ZC3H4: variants seen among roughly 807,000 people sequenced by gnomAD.
ZC3H4 encodes zinc finger CCCH domain-containing protein 4.
ZC3H4 carries 13 observed loss-of-function variants against 108.3 expected under a neutral mutation model. The ratio of observed to expected loss-of-function variants is 0.12; its 90% CI spans 0.08 to 0.19. The LOEUF is 0.19. Among genes scored for constraint, ZC3H4 ranks in the 10% least tolerant of loss-of-function variants. The probability of loss-of-function intolerance (pLI) is 1.00; values close to 1 mark genes in which losing one functional copy is unlikely to be tolerated. For synonymous variants in ZC3H4, 917 were observed against 749.6 expected, an observed-to-expected ratio of 1.22 and a Z score of -3.65; for missense variants, 1,734 against 1,838.8, an observed-to-expected ratio of 0.94 and a Z score of 1.04.
chr19:47,112,550 G>A lies in ZC3H4; in HGVS notation c.35C>T (p.Pro12Leu), dbSNP rs2058054458. ...EAAPGTPPPP[P>L]SESPPPPSPP... is the part of the protein sequence containing the mutation. ...CGATGGCGGCGGCGGCGACTCTGATGGCGGCGGCGGGGGGGTCCCGGGCGC... is the reference window on the plus strand; with the variant it reads ...CGATGGCGGCGGCGGCGACTCTGATAGCGGCGGCGGGGGGGTCCCGGGCGC... Residue 12 changes from proline (P) to leucine (L), a missense_variant, in exon 2 of 15, where the codon CCA (proline) becomes CTA (leucine). Physicochemically the swap from Pro to Leu is moderately conservative, Grantham distance 98. Transcript: ENST00000253048. 2.9e-6 allele frequency: 3 copies of A among 1,038,864 alleles called. No homozygotes were observed. Among genetic ancestry groups the A allele is most frequent in the Non-Finnish European group, 3.7e-6 (3 of 806,328 alleles). The allele number at this position is 1,038,864 out of a possible 1,614,324, so 64.4% of individuals were successfully genotyped here.
intron 4 of ZC3H4, among the ~76,000 whole-genome samples, chr19:47,091,448 C>T (rs545322012): frequency 6.6e-6 from 1 of 151,642 alleles, no homozygotes; most frequent in Non-Finnish European, 1.5e-5. Context: ...GTGATGGGCG[C>T]CTCTAATCCC....
At chr19:47,103,699 G>A (rs2123075008) in intron 2 of ZC3H4, among the ~76,000 whole-genome samples, 1 of 151,642 alleles carries the variant, frequency 6.6e-6, no homozygotes, top group East Asian at 1.9e-4. Flanking sequence ...GGACGAGGCG[G>A]GCGGATCACG....
At chr19:47,081,705 C>T in intron 10 of ZC3H4, 83 bp from the exon 11 acceptor site, 1 of 1,224,316 alleles carries the variant, frequency 8.2e-7, no homozygotes, top group East Asian at 2.3e-5. Flanking sequence ...ATCCAGCTCC[C>T]TTTGTTTTGG....
chr19:47,088,154 C>T (rs948974286), intron 5 of ZC3H4, among the ~76,000 whole-genome samples: 2 of 151,798 alleles, frequency 1.3e-5, no homozygotes, highest in Admixed American at 6.6e-5. Flanking sequence ...GACTGGGCAA[C>T]AGAGCGAGAC....
Position 47,090,173 on chromosome 19 carries a change from G to T in ZC3H4, c.509C>A (p.Pro170His). 6.2e-7 allele frequency: 1 copy of T among 1,614,220 alleles called. No homozygotes were observed. Among genetic ancestry groups the T allele is most frequent in the Non-Finnish European group, 8.5e-7 (1 of 1,180,034 alleles). ...PPYAPSHQQY[P>H]PSHATPLPKK... The stretch of plus-strand genomic sequence containing the variant: ...GGGCAGGGGCGTGGCATGCGATGGG[G>T]GGTACTGCTGGTGGGACTGCGTCCC... The change falls in exon 5 of 15, where the codon CCC becomes CAC. Residue 170 changes from proline (P) to histidine (H), a missense_variant. By Grantham distance (77) the Pro-to-His change is moderately conservative. Around this residue, in one of 9 missense-constraint regions of ZC3H4, gnomAD observed 403 missense variants for 457.0 expected, o/e 0.88. Transcript: ENST00000253048.
chr19:47,094,952 G>A (rs560028106), intron 2 of ZC3H4, among the ~76,000 whole-genome samples: 125 of 152,330 alleles, frequency 8.2e-4, no homozygotes, highest in African/African-American at 2.9e-3. Context: ...GCCCCATCTT[G>A]GGGATTCATA....
At position 47,072,111 on chromosome 19, in the gene ZC3H4, G is replaced by C; in HGVS notation, c.1813C>G (p.Pro605Ala). ...AEKLGVRFPG[P>A]GGPPGPMGPG... ...CCCATTGGCCCTGGGGGTCCACCGG[G>C]TCCAGGGAACCTAGAAGAGGGAAAA... Residue 605 changes from proline (P) to alanine (A), a missense_variant, in exon 13 of 15, where the codon CCC becomes GCC. Physicochemically the swap from Pro to Ala is conservative, Grantham distance 27. Transcript: ENST00000253048. The surrounding 1 kb of genome is among the most constrained non-coding windows in gnomAD (Gnocchi z 5.6). 6.5e-7 allele frequency: 1 copy of C among 1,539,236 alleles called. No homozygotes were observed. The highest frequency in any genetic ancestry group is 8.7e-7 in the Non-Finnish European group (1 of 1,146,352).
rs142369105 is a variant in ZC3H4, at chr19:47,103,154, T to A, written c.162-8546A>T. Reference sequence around the variant, plus strand: ...GAATTTGCTTCTCAGCAATGAAGAGTTTTCTAACCACCTTCTCATGCCAAC... The same window carrying A: ...GAATTTGCTTCTCAGCAATGAAGAGATTTCTAACCACCTTCTCATGCCAAC... On this transcript the variant is annotated intron_variant, in intron 2 of 14. Coordinates refer to ENST00000253048, the MANE Select transcript of ZC3H4 (RefSeq NM_015168.2). Among the ~76,000 whole-genome samples, 524 of 152,158 alleles carry A rather than the reference T, an allele frequency of 3.4e-3. 6 individuals are homozygous for A. The highest frequency in any genetic ancestry group is 0.03 in the South Asian group (146 of 4,816).
At chr19:47,102,696 A>G (rs1166136427) in intron 2 of ZC3H4, among the ~76,000 whole-genome samples, 3 of 152,026 alleles carry the variant, frequency 2.0e-5, no homozygotes, top group African/African-American at 7.2e-5. Context: ...AGGAAATGGT[A>G]GCATTTCAAA....
chr19:47,072,810 T>C lies in ZC3H4; in HGVS notation c.1441-97A>G, dbSNP rs1444047640. On this transcript the variant is annotated intron_variant, in intron 11 of 14. Coordinates refer to ENST00000253048, the MANE Select transcript of ZC3H4 (RefSeq NM_015168.2). The surrounding 1 kb of genome is among the most constrained non-coding windows in gnomAD (Gnocchi z 5.6). ...GCTGAAGTTTATGAGGAAAAGTCCA[T>C]AATACAAGGACCTTGAGATCTAAAG... The C allele has an allele frequency of 2.1e-6, 3 of 1,416,924 alleles. No homozygotes were observed. Among genetic ancestry groups the C allele is most frequent in the South Asian group, 2.6e-5 (2 of 78,324 alleles). 87.8% of individuals were successfully genotyped at this position (1,416,924 alleles called of 1,614,324 possible).
intron 2 of ZC3H4, 158 bp downstream of exon 2, chr19:47,112,266 G>C (rs147189187): frequency 4.4e-6 from 5 of 1,135,264 alleles, no homozygotes; most frequent in African/African-American, 3.2e-5. Context: ...AAGAGCGAGC[G>C]AGCAAGCGAT....
In ZC3H4 at chr19:47,078,703, TACAAAACTC is replaced by T; in HGVS notation, c.1440+2801_1440+2809del. 2.0e-5 allele frequency among the ~76,000 whole-genome samples: 3 copies of T among 151,106 alleles called. No individual in the cohort carries two copies. In the South Asian group the frequency reaches 6.3e-4, roughly 32 times the overall value. On this transcript the variant is annotated intron_variant, in intron 11 of 14. Coordinates refer to ENST00000253048, the MANE Select transcript of ZC3H4 (RefSeq NM_015168.2). Reference sequence around the variant, plus strand: ...GGTGAAACCCTGTCTCTACTAAAAATACAAAACTCAGCTGGGCATGGTGGCTGGCACCTG... The same window carrying T: ...GGTGAAACCCTGTCTCTACTAAAAATAGCTGGGCATGGTGGCTGGCACCTG...
In ZC3H4 at chr19:47,069,311, C is replaced by T. The variant is rs1241063092; in HGVS notation, c.2179G>A (p.Glu727Lys). Reference sequence around the variant, plus strand: ...TCAGGGAAGAGGTGCTCCCCAGGCTCCCCTGGCAGCTCTTCGTAGTGCCCG... The same window carrying T: ...TCAGGGAAGAGGTGCTCCCCAGGCTTCCCTGGCAGCTCTTCGTAGTGCCCG... ...DYGHYEELPG[E>K]PGEHLFPEHP... is the part of the protein sequence containing the mutation. Residue 727 changes from glutamate to lysine, a missense_variant, in exon 14 of 15, where the codon GAG becomes AAG. Glu to Lys is a moderately conservative substitution (Grantham distance 56). Transcript: ENST00000253048. The T allele has an allele frequency of 6.2e-7, 1 of 1,613,552 alleles. No homozygotes were observed. The highest frequency in any genetic ancestry group is 1.7e-5 in the Admixed American group (1 of 59,952).
rs2058054420 is a variant in ZC3H4, at chr19:47,112,549, T to C, written c.36A>G (p.Pro12=). ...EAAPGTPPPP[P]SESPPPPSPP... The stretch of plus-strand genomic sequence containing the variant: ...GCGATGGCGGCGGCGGCGACTCTGA[T>C]GGCGGCGGCGGGGGGGTCCCGGGCG... Residue 12 remains proline, a synonymous_variant, in exon 2 of 15, where the codon CCA becomes CCG. Coordinates refer to ENST00000253048, the MANE Select transcript of ZC3H4 (RefSeq NM_015168.2). 3 of 1,010,380 alleles carry C rather than the reference T, an allele frequency of 3.0e-6. No individual in the cohort carries two copies. Among genetic ancestry groups the C allele is most frequent in the Non-Finnish European group, 3.8e-6 (3 of 788,044 alleles). The allele number at this position is 1,010,380 out of a possible 1,614,324, so 62.6% of individuals were successfully genotyped here. A position where few individuals can be genotyped will look rare whatever the true frequency, so the allele number is the denominator to read the frequency against.
intron 2 of ZC3H4, among the ~76,000 whole-genome samples, chr19:47,103,980 AGAG>A (rs2057937541): frequency 6.6e-6 from 1 of 151,726 alleles, no homozygotes; most frequent in South Asian, 2.1e-4. Flanking sequence ...CAAATAAATA[AGAG>A]ATCTGGGCCT....
At chr19:47,075,634 TCA>T (rs1448089279) in intron 11 of ZC3H4, among the ~76,000 whole-genome samples, 1 of 151,260 alleles carries the variant, frequency 6.6e-6, no homozygotes, top group Non-Finnish European at 1.5e-5. Flanking sequence ...ACACACACAC[TCA>T]CACTCCCCAT....
At position 47,112,302 on chromosome 19, in the gene ZC3H4, TTCCTCCTCCTCCTCC is replaced by T. The variant is rs371203061; in HGVS notation, c.161+107_161+121del. The T allele has an allele frequency of 2.2e-5, 23 of 1,051,996 alleles. No individual in the cohort carries two copies. The South Asian group carries it at 3.3e-4, about 15-fold the overall frequency. The allele number at this position is 1,051,996 out of a possible 1,614,324, so 65.2% of individuals were successfully genotyped here. On this transcript the variant is annotated intron_variant, in intron 2 of 14. Transcript: ENST00000253048. ...CGAGAGACACCCACCGACCCCGCCC[TTCCTCCTCCTCCTCC>T]TCCTCCTCCTCCTCCGCGGCCCGGC...
At chr19:47,106,638 C>G (rs2057971709) in intron 2 of ZC3H4, among the ~76,000 whole-genome samples, 1 of 152,158 alleles carries the variant, frequency 6.6e-6, no homozygotes, top group South Asian at 2.1e-4. Context: ...CAGCAGCAAC[C>G]CTTTATCGTG....
chr19:47,070,627 T>C (rs1021837966), intron 13 of ZC3H4, among the ~76,000 whole-genome samples: 2 of 152,130 alleles, frequency 1.3e-5, no homozygotes, highest in Non-Finnish European at 2.9e-5. Flanking sequence ...CGTCTTTCTT[T>C]CTAAAGCACC....
Sources: allele counts gnomAD v4.1 joint callset (sites outside exome capture counted in the v4.1 genomes callset), GRCh38; gene constraint gnomAD v4.1.1; regional missense constraint gnomAD v4.1.1; non-coding constraint Gnocchi (gnomAD v3.1); transcripts MANE v1.5; gene names NCBI Gene and HGNC (gene_info 2026-07-23, HGNC 2026-07-21).